Variants in ZNF516 observed in about 807,000 individuals in gnomAD.
ZNF516 encodes the protein zinc finger protein 516.
A neutral mutation model predicts 79.7 loss-of-function variants in ZNF516; 19 were observed. The observed-to-expected ratio is 0.24, with a 90% CI of 0.17 to 0.35. The LOEUF is 0.35. ZNF516 is among the 10% of genes least tolerant of loss of function. The pLI, the probability that ZNF516 is intolerant of heterozygous loss-of-function variation, is 1.00. For missense variants in ZNF516, 1,678 were observed against 1,679.5 expected (o/e 1.00, Z 0.02); for synonymous variants, 877 against 739.5 (o/e 1.19, Z -3.02).
intron 1 of ZNF516, among the ~76,000 whole-genome samples, chr18:76,486,686 G>GAA (rs11464561): frequency 3.0e-4 from 43 of 142,472 alleles, no homozygotes; most frequent in African/African-American, 4.8e-4. Context: ...GGTTTTGAAG[G>GAA]AAAAAAAAAA....
chr18:76,410,460 G>A (rs1040928626), intron 3 of ZNF516, among the ~76,000 whole-genome samples: 13 of 152,214 alleles, frequency 8.5e-5, no homozygotes, highest in Admixed American at 2.6e-4. Context: ...TGGAGCCACT[G>A]GAGGAGGCCT....
rs906547878 is a variant in ZNF516, at chr18:76,357,851, G to A, written c.*4647C>T. Among the ~76,000 whole-genome samples, 5 of 152,062 alleles carry A rather than the reference G, an allele frequency of 3.3e-5. No homozygotes were observed. The highest frequency in any genetic ancestry group is 2.1e-4 in the South Asian group (1 of 4,822). On this transcript the variant is annotated 3_prime_UTR_variant, in exon 7 of 7. Transcript: ENST00000443185. ...GAATTCCGTCCGCGTCCATCCCTGT[G>A]CGTCCTGTATGGGTGACAGTGCAAG...
chr18:76,385,293 G>A (rs2145087129), intron 3 of ZNF516, among the ~76,000 whole-genome samples: 1 of 152,344 alleles, frequency 6.6e-6, no homozygotes, highest in Admixed American at 6.5e-5. Flanking sequence ...GGCCTGGCTG[G>A]TGCCGCACAC....
intron 1 of ZNF516, among the ~76,000 whole-genome samples, chr18:76,476,698 C>A (rs1262037219): frequency 6.6e-6 from 1 of 152,194 alleles, no homozygotes; most frequent in African/African-American, 2.4e-5. Context: ...CCTCCAAAAC[C>A]AGTCATGGTT....
At chr18:76,454,322 A>T (rs1474572374) in intron 2 of ZNF516, among the ~76,000 whole-genome samples, 1 of 152,272 alleles carries the variant, frequency 6.6e-6, no homozygotes, top group African/African-American at 2.4e-5. Flanking sequence ...GAAACTAAGA[A>T]GATTTTGATA....
At chr18:76,457,404 A>C (rs2145646428) in intron 2 of ZNF516, among the ~76,000 whole-genome samples, 1 of 152,340 alleles carries the variant, frequency 6.6e-6, no homozygotes, top group South Asian at 2.1e-4. Flanking sequence ...TCCAAAACTA[A>C]ATCCAAATGC....
chr18:76,455,147 G>A (rs1230826280), intron 2 of ZNF516, among the ~76,000 whole-genome samples: 1 of 152,142 alleles, frequency 6.6e-6, no homozygotes, highest in African/African-American at 2.4e-5. Flanking sequence ...CAGTCACACA[G>A]TTGCTTTGCG....
intron 3 of ZNF516, among the ~76,000 whole-genome samples, chr18:76,438,300 TG>T (rs1160713412): frequency 6.6e-6 from 1 of 152,254 alleles, no homozygotes; most frequent in African/African-American, 2.4e-5. Context: ...TATGTCTCCT[TG>T]CAAAGCAATA....
chr18:76,475,273 T>G (rs1914110252), intron 1 of ZNF516, among the ~76,000 whole-genome samples: 1 of 152,198 alleles, frequency 6.6e-6, no homozygotes, highest in Non-Finnish European at 1.5e-5. Flanking sequence ...GCAATAAACA[T>G]TAAGAAATCC....
intron 2 of ZNF516, among the ~76,000 whole-genome samples, chr18:76,443,913 C>G (rs546082941): frequency 6.6e-6 from 1 of 152,328 alleles, no homozygotes; most frequent in East Asian, 1.9e-4. Context: ...CCTGCATGGC[C>G]GCCACCTACA....
rs754499187 is a variant in ZNF516 at position 76,379,108 on chromosome 18, G to C, written c.3006C>G (p.Pro1002=). The change falls in exon 4 of 7, where the codon CCC becomes CCG. Residue 1002 remains proline (P), a synonymous_variant. Coordinates refer to ENST00000443185, the MANE Select transcript of ZNF516 (RefSeq NM_014643.4). ...GGAPPLPPRE[P]PSKAAQELRT... ...TCAGCTCCTGGGCTGCCTTCGAGGG[G>C]GGCTCGCGGGGAGGTAGAGGAGGAG... 10 of 1,611,640 alleles carry C rather than the reference G, an allele frequency of 6.2e-6. No homozygotes were observed. The South Asian group carries it at 1.1e-4, about 18-fold the overall frequency.
chr18:76,474,688 A>G (rs552960631), intron 1 of ZNF516, among the ~76,000 whole-genome samples: 8 of 152,230 alleles, frequency 5.3e-5, no homozygotes, highest in Non-Finnish European at 8.8e-5. Context: ...GAAAAACTAC[A>G]GTAAAACTGA....
At chr18:76,369,760 G>A (rs1238821124) in intron 6 of ZNF516, among the ~76,000 whole-genome samples, 4 of 152,220 alleles carry the variant, frequency 2.6e-5, no homozygotes, top group Non-Finnish European at 4.4e-5. Flanking sequence ...AATGACAAAG[G>A]GGAGAGTTTG....
intron 1 of ZNF516, among the ~76,000 whole-genome samples, chr18:76,486,974 G>C (rs182659739): frequency 6.6e-6 from 1 of 152,234 alleles, no homozygotes. Flanking sequence ...TACTATAGTT[G>C]TCTTTTAAAT....
At chr18:76,423,496 T>C (rs370323953) in intron 3 of ZNF516, among the ~76,000 whole-genome samples, 12 of 144,502 alleles carry the variant, frequency 8.3e-5, no homozygotes, top group South Asian at 2.2e-4. Context: ...AACACACACA[T>C]GCCAGTGAAA....
At position 76,362,308 on chromosome 18, in the gene ZNF516, T is replaced by C. The variant is rs923614168; in HGVS notation, c.*190A>G. 48 of 545,642 alleles carry C rather than the reference T, an allele frequency of 8.8e-5. No homozygotes were observed. Among genetic ancestry groups the C allele is most frequent in the Admixed American group, 1.8e-4 (6 of 32,604 alleles). The allele number at this position is 545,642 out of a possible 1,614,324, so 33.8% of individuals were successfully genotyped here. A position where few individuals can be genotyped will look rare whatever the true frequency, so the allele number is the denominator to read the frequency against. ...AGCATCTTCATTTATTTCTGAACGTTTAACAAGGAGAGGCATCTGCCTTCA... is the reference window on the plus strand; with the variant it reads ...AGCATCTTCATTTATTTCTGAACGTCTAACAAGGAGAGGCATCTGCCTTCA... On this transcript the variant is annotated 3_prime_UTR_variant, in exon 7 of 7. Coordinates refer to ENST00000443185, the MANE Select transcript of ZNF516 (RefSeq NM_014643.4).
intron 1 of ZNF516, among the ~76,000 whole-genome samples, chr18:76,464,286 C>T (rs1325945781): frequency 1.3e-5 from 2 of 152,276 alleles, no homozygotes; most frequent in East Asian, 3.9e-4. Context: ...GTAGAAGAAT[C>T]GCTTGAACCC....
At position 76,379,430 on chromosome 18, in the gene ZNF516, T is replaced by A; in HGVS notation, c.2684A>T (p.Glu895Val). ...YRQTKPCHGQ[E>V]PHGAATQGPL... is the part of the protein sequence containing the mutation. ...CCCCTGTGTGGCCGCGCCATGTGGC[T>A]CCTGGCCGTGACAAGGTTTGGTCTG... is the stretch of plus-strand genomic sequence containing the variant. The change falls in exon 4 of 7, where the codon GAG becomes GTG. Residue 895 changes from glutamate (E) to valine (V), a missense_variant. Around this residue, in one of 5 missense-constraint regions of ZNF516, gnomAD observed 1,294 missense variants for 1,248.3 expected, o/e 1.04. Transcript: ENST00000443185. The A allele has an allele frequency of 6.2e-7, 1 of 1,612,204 alleles. No individual in the cohort carries two copies. The highest frequency in any genetic ancestry group is 8.5e-7 in the Non-Finnish European group (1 of 1,179,190).
chr18:76,476,944 G>A (rs1239937392), intron 1 of ZNF516, among the ~76,000 whole-genome samples: 1 of 152,122 alleles, frequency 6.6e-6, no homozygotes, highest in Non-Finnish European at 1.5e-5. Flanking sequence ...TGGAGACTCA[G>A]GTGGATTTGC....
Sources: gnomAD v4.1 joint callset for allele counts (sites outside exome capture counted in the v4.1 genomes callset) on GRCh38, gnomAD v4.1.1 for gene constraint, gnomAD v4.1.1 regional missense constraint, MANE v1.5 for transcripts, NCBI Gene and HGNC (gene_info 2026-07-23, HGNC 2026-07-21) for gene names.